The following SRGAP2C variants were observed in gnomAD, a reference collection of about 807,000 sequenced individuals.
SRGAP2C encodes SLIT-ROBO Rho GTPase activating protein 2C.
Under a neutral mutation model 25.1 loss-of-function variants are expected in SRGAP2C, and 15 were observed. The ratio of observed to expected loss-of-function variants is 0.60; its 90% CI spans 0.40 to 0.92. The LOEUF (loss-of-function observed/expected upper bound fraction) is 0.92, where lower values mean the gene tolerates loss of function less well. Among genes scored for constraint, SRGAP2C ranks in the 40% least tolerant of loss-of-function variants. SRGAP2C has a pLI of 0.00. For synonymous variants in SRGAP2C, 44 were observed against 96.6 expected, an observed-to-expected ratio of 0.46 and a Z score of 3.19; for missense variants, 144 against 264.4, an observed-to-expected ratio of 0.54 and a Z score of 3.16.
At chr1:121,316,967 G>T (rs1658112907) in intron 3 of SRGAP2C, among the ~76,000 whole-genome samples, 1 of 151,526 alleles carries the variant, frequency 6.6e-6, no homozygotes, top group Admixed American at 6.6e-5. Flanking sequence ...CAAAGGGAAG[G>T]TCCCCCAGGT....
At chr1:121,315,216 G>A (rs1553340492) in intron 3 of SRGAP2C, among the ~76,000 whole-genome samples, 5 of 151,210 alleles carry the variant, frequency 3.3e-5, no homozygotes, top group African/African-American at 7.3e-5. Flanking sequence ...CAATCATTGT[G>A]CACTATGGCC....
Position 121,350,771 on chromosome 1 carries a change from CTG to C in SRGAP2C, c.424-14518_424-14517del, listed in dbSNP as rs1455511950. Among the ~76,000 whole-genome samples the C allele has an allele frequency of 2.6e-5, 4 of 151,672 alleles. No homozygotes were observed. The East Asian group carries it at 7.8e-4, about 29-fold the overall frequency. ...TGAACTTCATCAAAGTCAGAAACCT[CTG>C]TGTTTGAGAGGACACTGTCAAGAAA... On this transcript the variant is annotated intron_variant, in intron 4 of 9. Transcript: ENST00000367123.
intron 2 of SRGAP2C, among the ~76,000 whole-genome samples, chr1:121,199,747 A>T (rs1242210967): frequency 6.9e-6 from 1 of 145,328 alleles, no homozygotes; most frequent in Non-Finnish European, 1.5e-5. Flanking sequence ...GTGAGCCCAG[A>T]TCACACCATT....
chr1:121,321,665 CCAAAGTG>C (rs1420843269), intron 3 of SRGAP2C, among the ~76,000 whole-genome samples: 1 of 149,710 alleles, frequency 6.7e-6, no homozygotes, highest in Non-Finnish European at 1.5e-5. Flanking sequence ...CCTTGGCCTC[CCAAAGTG>C]CTGGGATTGC....
intron 4 of SRGAP2C, among the ~76,000 whole-genome samples, chr1:121,335,386 A>ATAAATAAATAAT (rs1553342380): frequency 3.7e-4 from 53 of 141,778 alleles, no homozygotes; most frequent in African/African-American, 8.2e-4. Flanking sequence ...AAATAAATAA[A>ATAAATAAATAAT]TAAAACAACC....
intron 5 of SRGAP2C, among the ~76,000 whole-genome samples, chr1:121,373,057 GT>G (rs1659540916): frequency 1.5e-5 from 1 of 67,550 alleles, no homozygotes; most frequent in Non-Finnish European, 2.8e-5. Context: ...AGTATGTTTA[GT>G]AGGATTGGAA....
chr1:121,272,193 T>G (rs1472699723), intron 2 of SRGAP2C, among the ~76,000 whole-genome samples: 3 of 110,380 alleles, frequency 2.7e-5, no homozygotes, highest in Non-Finnish European at 5.5e-5. Flanking sequence ...AAGAAATGTA[T>G]GTAGTGCTTA....
At chr1:121,204,403 GT>G (rs1272653645) in intron 2 of SRGAP2C, among the ~76,000 whole-genome samples, 4 of 149,338 alleles carry the variant, frequency 2.7e-5, no homozygotes, top group African/African-American at 7.4e-5. Context: ...GGGATTACAG[GT>G]GCGTGCCACC....
At chr1:121,295,383 C>A (rs1298174615) in intron 3 of SRGAP2C, among the ~76,000 whole-genome samples, 2 of 151,226 alleles carry the variant, frequency 1.3e-5, no homozygotes, top group Non-Finnish European at 3.0e-5. Flanking sequence ...AAACATGAGA[C>A]CAAGGAAACC....
At chr1:121,323,254 T>G (rs1480512237) in intron 3 of SRGAP2C, among the ~76,000 whole-genome samples, 6 of 149,900 alleles carry the variant, frequency 4.0e-5, no homozygotes, top group African/African-American at 1.5e-4. Context: ...TGTAGAACTT[T>G]CTGTTGCTTA....
intron 4 of SRGAP2C, among the ~76,000 whole-genome samples, chr1:121,359,661 G>A (rs1384220547): frequency 6.6e-6 from 1 of 152,190 alleles, no homozygotes; most frequent in Admixed American, 6.5e-5. Flanking sequence ...CCAGCTACAT[G>A]GGAAGCTGAG....
intron 2 of SRGAP2C, among the ~76,000 whole-genome samples, chr1:121,207,596 T>C (rs1425861400): frequency 6.6e-6 from 1 of 152,192 alleles, no homozygotes; most frequent in African/African-American, 2.4e-5. Context: ...TGAATAACTT[T>C]GGAATGGGGA....
Position 121,351,610 on chromosome 1 carries a change from AAAATAAAT to A in SRGAP2C, c.424-13648_424-13641del, listed in dbSNP as rs1218821325. Among the ~76,000 whole-genome samples the A allele has an allele frequency of 1.6e-3, 168 of 104,770 alleles. 1 individual carries two copies. Among genetic ancestry groups the A allele is most frequent in the African/African-American group, 5.3e-3 (131 of 24,912 alleles). The allele number at this position is 104,770 out of a possible 152,430, so 68.7% of individuals were successfully genotyped here. The stretch of plus-strand genomic sequence containing the variant: ...GGGCGACAGAGCGAGACTCCATCTC[AAAATAAAT>A]AAATAAATAAATAAATAAATAAATA... On this transcript the variant is annotated intron_variant, in intron 4 of 9. Transcript: ENST00000367123.
At chr1:121,262,478 C>G (rs1417903508) in intron 2 of SRGAP2C, among the ~76,000 whole-genome samples, 1 of 76,466 alleles carries the variant, frequency 1.3e-5, no homozygotes, top group Non-Finnish European at 2.6e-5. Context: ...GACCCAGGAT[C>G]TACACATAGT....
At chr1:121,188,491 A>AAG (rs1280353755) in intron 2 of SRGAP2C, among the ~76,000 whole-genome samples, 52 of 147,278 alleles carry the variant, frequency 3.5e-4, no homozygotes, top group African/African-American at 1.3e-3. Context: ...AGTCACTGGA[A>AAG]AGAGCCATGT....
chr1:121,328,906 CA>C (rs1191346242), intron 4 of SRGAP2C, among the ~76,000 whole-genome samples: 56 of 119,462 alleles, frequency 4.7e-4, no homozygotes, highest in Middle Eastern at 4.4e-3. Flanking sequence ...AAAAAAAAAA[CA>C]AAAAACAAAA....
intron 4 of SRGAP2C, among the ~76,000 whole-genome samples, chr1:121,351,596 C>A (rs1469418157): frequency 1.5e-5 from 2 of 135,736 alleles, no homozygotes; most frequent in Non-Finnish European, 3.1e-5. Context: ...GGCGACAGAG[C>A]GAGACTCCAT....
chr1:121,283,723 C>T (rs1657300965), intron 2 of SRGAP2C, among the ~76,000 whole-genome samples: 2 of 150,600 alleles, frequency 1.3e-5, no homozygotes, highest in African/African-American at 2.4e-5. Context: ...AGAAATGGCT[C>T]CATTCTGACT....
intron 2 of SRGAP2C, among the ~76,000 whole-genome samples, chr1:121,195,324 C>T (rs1223508028): frequency 6.0e-5 from 9 of 151,194 alleles, no homozygotes; most frequent in Admixed American, 1.3e-4. Flanking sequence ...GGAGGAGAAT[C>T]GCTTGAATCC....
Sources: gnomAD v4.1 joint callset for allele counts (sites outside exome capture counted in the v4.1 genomes callset) on GRCh38, gnomAD v4.1.1 for gene constraint, MANE v1.5 for transcripts, NCBI Gene and HGNC (gene_info 2026-07-23, HGNC 2026-07-21) for gene names.